ZC3H12C: variants seen among roughly 807,000 people sequenced by gnomAD.
ZC3H12C encodes the protein zinc finger CCCH-type containing 12C.
In ZC3H12C, 20 loss-of-function variants were observed where a neutral mutation model predicts 76.3. The observed-to-expected ratio is 0.26, with a 90% confidence interval of 0.18 to 0.38. ZC3H12C has a LOEUF of 0.38. Among genes scored for constraint, ZC3H12C ranks in the 10% least tolerant of loss-of-function variants. The pLI is 1.00. For missense variants in ZC3H12C, 874 were observed against 1,086.5 expected (o/e 0.80, Z 2.75); for synonymous variants, 352 against 399.6 (o/e 0.88, Z 1.42).
intron 1 of ZC3H12C, among the ~76,000 whole-genome samples, chr11:110,110,742 G>A (rs527636901): frequency 6.6e-6 from 1 of 152,114 alleles, no homozygotes; most frequent in African/African-American, 2.4e-5. Flanking sequence ...GCCTCTGACT[G>A]GTCCTAAGGT....
chr11:110,168,915 GAA>G lies in ZC3H12C; in HGVS notation c.*3179_*3180del, dbSNP rs375187671. On this transcript the variant is annotated 3_prime_UTR_variant, in exon 6 of 6. Transcript: ENST00000278590. Reference sequence around the variant, plus strand: ...ATTTATGAGAATATGTAATATAACTGAAGAGTATTTTATGTATATCTATATAC... The same window carrying G: ...ATTTATGAGAATATGTAATATAACTGGAGTATTTTATGTATATCTATATAC... 8 of 152,236 alleles carry G rather than the reference GAA, an allele frequency of 5.3e-5. No homozygotes were observed. Among genetic ancestry groups the G allele is most frequent in the Middle Eastern group, 3.4e-3 (1 of 294 alleles). 9.4% of individuals were successfully genotyped at this position (152,236 alleles called of 1,614,324 possible). A position where few individuals can be genotyped will look rare whatever the true frequency, so the allele number is the denominator to read the frequency against.
At chr11:110,120,559 C>T (rs1861634629) in intron 1 of ZC3H12C, among the ~76,000 whole-genome samples, 2 of 152,212 alleles carry the variant, frequency 1.3e-5, no homozygotes, top group Non-Finnish European at 2.9e-5. Flanking sequence ...CAGAGCTTCT[C>T]ATTCAGCCTC....
At chr11:110,135,372 C>T (rs965368075) in intron 1 of ZC3H12C, among the ~76,000 whole-genome samples, 1 of 151,782 alleles carries the variant, frequency 6.6e-6, no homozygotes, top group Admixed American at 6.6e-5. Flanking sequence ...CACCTGTAAT[C>T]CCAGCTACTC....
At chr11:110,130,735 C>T (rs143249637) in intron 1 of ZC3H12C, among the ~76,000 whole-genome samples, 52 of 152,354 alleles carry the variant, frequency 3.4e-4, no homozygotes, top group South Asian at 8.3e-4. Flanking sequence ...CTAATGACTC[C>T]GCTCTCATAG....
rs1162283588 is a variant in ZC3H12C, at chr11:110,165,345, T to A, written c.2260T>A (p.Ser754Thr). The A allele has an allele frequency of 1.9e-6, 3 of 1,613,882 alleles. No homozygotes were observed. The highest frequency in any genetic ancestry group is 4.5e-5 in the East Asian group (2 of 44,890). Residue 754 changes from serine (S) to threonine (T), a missense_variant, in exon 6 of 6, where the codon TCT (serine) becomes ACT (threonine). Physicochemically the swap from Ser to Thr is moderately conservative, Grantham distance 58. Around this residue, in one of 3 missense-constraint regions of ZC3H12C, gnomAD observed 395 missense variants for 434.4 expected, o/e 0.91. Coordinates refer to ENST00000278590, the MANE Select transcript of ZC3H12C (RefSeq NM_033390.2). The part of the protein sequence containing the change: ...VATRIDSISD[S>T]RLYDSSPSRQ... The stretch of plus-strand genomic sequence containing the variant: ...CACGAGAATAGACAGCATCTCTGAC[T>A]CTCGACTTTATGACAGTTCTCCTTC...
chr11:110,165,243 A>G lies in ZC3H12C; in HGVS notation c.2158A>G (p.Ser720Gly). The G allele has an allele frequency of 4.3e-6, 7 of 1,614,034 alleles. No homozygotes were observed. Among genetic ancestry groups the G allele is most frequent in the South Asian group, 2.2e-5 (2 of 91,082 alleles). Residue 720 changes from serine (S) to glycine (G), a missense_variant, in exon 6 of 6, where the codon AGC (serine) becomes GGC (glycine). By Grantham distance (56) the Ser-to-Gly change is moderately conservative. Coordinates refer to ENST00000278590, the MANE Select transcript of ZC3H12C (RefSeq NM_033390.2). ...GCACTCCGCTGTGGGCGCCCGGTCC[A>G]GCTGTCCTGGCGACTACCCCTCTCC... ...LPHSAVGARSSCPGDYPSPPS... is the reference protein window; with the variant it reads ...LPHSAVGARSGCPGDYPSPPS...
At chr11:110,143,000 T>A (rs932450528) in intron 2 of ZC3H12C, among the ~76,000 whole-genome samples, 5 of 152,192 alleles carry the variant, frequency 3.3e-5, no homozygotes, top group African/African-American at 1.2e-4. Flanking sequence ...TTTAGCATCC[T>A]GTGAATGAGA....
At chr11:110,140,586 GTTTT>G (rs1645713393) in intron 2 of ZC3H12C, among the ~76,000 whole-genome samples, 1 of 152,336 alleles carries the variant, frequency 6.6e-6, no homozygotes, top group South Asian at 2.1e-4. Flanking sequence ...CCAGTCTTGT[GTTTT>G]TGATATGAAC....
At chr11:110,121,239 T>C (rs1022447788) in intron 1 of ZC3H12C, among the ~76,000 whole-genome samples, 1 of 152,142 alleles carries the variant, frequency 6.6e-6, no homozygotes, top group Non-Finnish European at 1.5e-5. Flanking sequence ...AGAAAATAGA[T>C]TTTGGTCCAG....
At chr11:110,140,387 A>G (rs1862048117) in intron 2 of ZC3H12C, among the ~76,000 whole-genome samples, 1 of 152,342 alleles carries the variant, frequency 6.6e-6, no homozygotes, top group African/African-American at 2.4e-5. Flanking sequence ...GAGTTCTTCA[A>G]TATTCTTCCA....
chr11:110,146,195 A>G (rs978259825), intron 2 of ZC3H12C, among the ~76,000 whole-genome samples: 1 of 152,106 alleles, frequency 6.6e-6, no homozygotes, highest in African/African-American at 2.4e-5. Flanking sequence ...TCACCGTGTT[A>G]GCCAGGGTGG....
At position 110,169,644 on chromosome 11, in the gene ZC3H12C, G is replaced by A. The variant is rs1305283985; in HGVS notation, c.*3907G>A. 1 of 152,124 alleles carries A rather than the reference G, an allele frequency of 6.6e-6. No homozygotes were observed. The highest frequency in any genetic ancestry group is 1.5e-5 in the Non-Finnish European group (1 of 68,014). 9.4% of individuals were successfully genotyped at this position (152,124 alleles called of 1,614,324 possible). On this transcript the variant is annotated 3_prime_UTR_variant, in exon 6 of 6. Coordinates refer to ENST00000278590, the MANE Select transcript of ZC3H12C (RefSeq NM_033390.2). ...CAAATATATTAAAGATGTTAATTCAGCTAACAGTTAAGTTTCCAAGGTATA... is the reference window on the plus strand; with the variant it reads ...CAAATATATTAAAGATGTTAATTCAACTAACAGTTAAGTTTCCAAGGTATA...
chr11:110,137,495 T>C, intron 2 of ZC3H12C, 81 bp downstream of exon 2: 5 of 1,428,556 alleles, frequency 3.5e-6, no homozygotes, highest in Non-Finnish European at 4.6e-6. Context: ...CTCTTTTCCT[T>C]CTCATGGTCA....
At chr11:110,138,345 A>T (rs1401900553) in intron 2 of ZC3H12C, among the ~76,000 whole-genome samples, 1 of 152,132 alleles carries the variant, frequency 6.6e-6, no homozygotes, top group Non-Finnish European at 1.5e-5. Context: ...TGAGGGACTT[A>T]TGGAAAATGC....
chr11:110,119,268 A>G (rs1024934171), intron 1 of ZC3H12C, among the ~76,000 whole-genome samples: 1 of 152,188 alleles, frequency 6.6e-6, no homozygotes, highest in Non-Finnish European at 1.5e-5. Context: ...CCATCTCAAT[A>G]TAAAAGCCAG....
intron 1 of ZC3H12C, among the ~76,000 whole-genome samples, chr11:110,098,115 G>C (rs1300775501): frequency 1.3e-5 from 2 of 152,154 alleles, no homozygotes; most frequent in Non-Finnish European, 2.9e-5. Flanking sequence ...TGCCGTGCCT[G>C]TTACCGCCCC....
chr11:110,163,673 C>A (rs1055468680), intron 5 of ZC3H12C, among the ~76,000 whole-genome samples: 5 of 152,160 alleles, frequency 3.3e-5, no homozygotes, highest in African/African-American at 1.2e-4. Flanking sequence ...AGATACAAAT[C>A]AGATGAGCAT....
intron 1 of ZC3H12C, 53 bp from the exon 2 acceptor site, chr11:110,136,610 A>T (rs1861963427): frequency 9.7e-6 from 15 of 1,551,072 alleles, no homozygotes; most frequent in Non-Finnish European, 1.2e-5. Context: ...CTCCATTGAG[A>T]CAGAAATCTA....
intron 1 of ZC3H12C, among the ~76,000 whole-genome samples, chr11:110,129,514 G>A (rs1239544223): frequency 6.6e-6 from 1 of 152,154 alleles, no homozygotes; most frequent in Non-Finnish European, 1.5e-5. Context: ...TCCTAATTGT[G>A]TGTAGCTTCT....
Sources: allele counts gnomAD v4.1 joint callset (sites outside exome capture counted in the v4.1 genomes callset), GRCh38; gene constraint gnomAD v4.1.1; regional missense constraint gnomAD v4.1.1; transcripts MANE v1.5; gene names NCBI Gene and HGNC (gene_info 2026-07-23, HGNC 2026-07-21).